PDE7A: variants seen among roughly 807,000 people sequenced by gnomAD.
PDE7A encodes high affinity 3',5'-cyclic-AMP phosphodiesterase 7A.
In PDE7A, 39 loss-of-function variants were observed where a neutral mutation model predicts 64.3. That is an observed-to-expected ratio of 0.61 (90% CI 0.47 to 0.79). The LOEUF (loss-of-function observed/expected upper bound fraction) is 0.79. PDE7A is among the 30% of genes least tolerant of loss of function. PDE7A has a pLI of 0.00. For missense variants in PDE7A, 470 were observed against 582.8 expected, an observed-to-expected ratio of 0.81 and a Z score of 1.99; for synonymous variants, 203 against 206.8, an observed-to-expected ratio of 0.98 and a Z score of 0.16.
chr8:65,731,527 C>T (rs1317910369), intron 7 of PDE7A: 1 of 152,150 alleles, frequency 6.6e-6, no homozygotes, highest in Non-Finnish European at 1.5e-5. Context: ...AAGGGAAAAT[C>T]ACAATCTCTT....
At chr8:65,724,182 A>C in intron 11 of PDE7A, 73 bp downstream of exon 11, 1 of 892,506 alleles carries the variant, frequency 1.1e-6, no homozygotes, top group Non-Finnish European at 1.9e-6. Flanking sequence ...TAAATTATTG[A>C]GTTATTTTAT....
intron 4 of PDE7A, among the ~76,000 whole-genome samples, chr8:65,746,316 C>G (rs1268429968): frequency 1.3e-5 from 2 of 152,068 alleles, no homozygotes; most frequent in Admixed American, 6.5e-5. Flanking sequence ...AGTGATAGAG[C>G]TGGGATCTTA....
chr8:65,760,095 C>G lies in PDE7A; in HGVS notation c.284-12292G>C, dbSNP rs1808421196. Reference sequence around the variant, plus strand: ...TCTCTACTAAAAATGCAAAAATTATCTGGGTGTGGTGGTGGTCGCCTGTAA... The same window carrying G: ...TCTCTACTAAAAATGCAAAAATTATGTGGGTGTGGTGGTGGTCGCCTGTAA... On this transcript the variant is annotated intron_variant, in intron 3 of 12. Transcript: ENST00000401827. 1.3e-5 allele frequency among the ~76,000 whole-genome samples: 2 copies of G among 152,044 alleles called. 1 individual carries two copies. The highest frequency in any genetic ancestry group is 4.1e-4 in the South Asian group (2 of 4,826).
intron 7 of PDE7A, among the ~76,000 whole-genome samples, chr8:65,731,267 C>T (rs553886443): frequency 1.3e-5 from 2 of 152,304 alleles, no homozygotes. Flanking sequence ...AAAGGCAACT[C>T]AACCATCAGT....
intron 5 of PDE7A, among the ~76,000 whole-genome samples, chr8:65,744,012 T>C (rs1177951938): frequency 6.6e-6 from 1 of 152,186 alleles, no homozygotes; most frequent in Non-Finnish European, 1.5e-5. Context: ...TTTGTATTTT[T>C]AGTAGAGATG....
intron 1 of PDE7A, among the ~76,000 whole-genome samples, chr8:65,840,053 C>CT (rs1054304659): frequency 3.3e-5 from 5 of 152,174 alleles, no homozygotes; most frequent in African/African-American, 1.2e-4. Flanking sequence ...TAAAAACCTT[C>CT]TTCAGCAGTG....
intron 3 of PDE7A, among the ~76,000 whole-genome samples, chr8:65,769,417 G>A (rs1808965643): frequency 6.6e-6 from 1 of 152,140 alleles, no homozygotes; most frequent in Non-Finnish European, 1.5e-5. Flanking sequence ...CTAACCCTGA[G>A]AGCATATTTG....
chr8:65,745,798 T>C (rs1290556280), intron 4 of PDE7A, among the ~76,000 whole-genome samples: 2 of 152,242 alleles, frequency 1.3e-5, no homozygotes, highest in African/African-American at 4.8e-5. Flanking sequence ...TCAAATGTTG[T>C]ATGGTTTAGA....
chr8:65,813,773 G>A (rs1378927339), intron 1 of PDE7A, among the ~76,000 whole-genome samples: 1 of 151,960 alleles, frequency 6.6e-6, no homozygotes, highest in African/African-American at 2.4e-5. Context: ...AATTCTGAAG[G>A]GTTCCATCCA....
At chr8:65,764,562 A>T (rs1393620001) in intron 3 of PDE7A, among the ~76,000 whole-genome samples, 1 of 152,230 alleles carries the variant, frequency 6.6e-6, no homozygotes, top group Admixed American at 6.5e-5. Flanking sequence ...TGCTGAGCAA[A>T]CTATTTGTAC....
At chr8:65,724,737 A>G in intron 10 of PDE7A, 40 bp downstream of exon 10, 3 of 1,535,504 alleles carry the variant, frequency 2.0e-6, no homozygotes, top group Non-Finnish European at 2.7e-6. Context: ...CAGTCACATA[A>G]TTTATCCTAG....
In PDE7A at chr8:65,841,970, G is replaced by GCCA; in HGVS notation, c.-463_-462insTGG. ...GGAGCAGCGACCAGCTCGGGCCGCC[G>GCCA]CCGCCGCCGCCGCCGCCGCCGCCGG... On this transcript the variant is annotated 5_prime_UTR_variant, in exon 1 of 13. Coordinates refer to ENST00000401827, the MANE Select transcript of PDE7A (RefSeq NM_001242318.3). 9.6e-6 allele frequency: 2 copies of GCCA among 207,360 alleles called. No individual in the cohort carries two copies. Among genetic ancestry groups the GCCA allele is most frequent in the Non-Finnish European group, 1.7e-5 (2 of 116,990 alleles). The allele number at this position is 207,360 out of a possible 1,614,324, so 12.8% of individuals were successfully genotyped here.
At chr8:65,780,814 T>C (rs1809392695) in intron 2 of PDE7A, 1 of 152,288 alleles carries the variant, frequency 6.6e-6, no homozygotes, top group African/African-American at 2.4e-5. Context: ...CTCTTGCAAT[T>C]TGGCTTGCCT....
At chr8:65,840,392 C>G (rs751766683) in intron 1 of PDE7A, among the ~76,000 whole-genome samples, 1 of 131,618 alleles carries the variant, frequency 7.6e-6, no homozygotes, top group Non-Finnish European at 1.6e-5. Context: ...GCTGTCCACA[C>G]TACCTGCACA....
At chr8:65,835,875 A>C (rs1223249038) in intron 1 of PDE7A, among the ~76,000 whole-genome samples, 1 of 152,146 alleles carries the variant, frequency 6.6e-6, no homozygotes. Flanking sequence ...CAACCTATAA[A>C]CTAGCAATTT....
chr8:65,724,036 T>A (rs1048506339), intron 11 of PDE7A, among the ~76,000 whole-genome samples: 1 of 152,194 alleles, frequency 6.6e-6, no homozygotes, highest in African/African-American at 2.4e-5. Context: ...TCTATACTCA[T>A]AAATGCATAA....
intron 1 of PDE7A, among the ~76,000 whole-genome samples, chr8:65,813,927 A>G (rs1281043119): frequency 1.3e-5 from 2 of 152,242 alleles, no homozygotes; most frequent in African/African-American, 4.8e-5. Context: ...TGAACTTCAT[A>G]AACACCTGCA....
At chr8:65,732,152 C>A (rs1194666815) in intron 7 of PDE7A, among the ~76,000 whole-genome samples, 1 of 152,066 alleles carries the variant, frequency 6.6e-6, no homozygotes, top group Non-Finnish European at 1.5e-5. Flanking sequence ...GCACCCGCCA[C>A]CATGCCCAGC....
intron 3 of PDE7A, among the ~76,000 whole-genome samples, chr8:65,775,908 G>T (rs562875095): frequency 2.0e-5 from 3 of 152,146 alleles, no homozygotes; most frequent in Non-Finnish European, 2.9e-5. Flanking sequence ...GATTACGGGC[G>T]TGAGCCACCA....
Sources: gnomAD v4.1 joint callset for allele counts (sites outside exome capture counted in the v4.1 genomes callset) on GRCh38, gnomAD v4.1.1 for gene constraint, MANE v1.5 for transcripts, NCBI Gene and HGNC (gene_info 2026-07-23, HGNC 2026-07-21) for gene names.